The following ADAMTS9 variants were observed in gnomAD, a reference collection of about 807,000 sequenced individuals.
The protein encoded by ADAMTS9 is ADAM metallopeptidase with thrombospondin type 1 motif 9, also known as A disintegrin and metalloproteinase with thrombospondin motifs 9.
ADAMTS9 carries 107 observed loss-of-function variants against 257.1 expected under a neutral mutation model. The observed-to-expected ratio is 0.42, with a 90% CI of 0.36 to 0.49. ADAMTS9 has a LOEUF of 0.49. ADAMTS9 is among the 20% of genes least tolerant of loss of function. The pLI, the probability that ADAMTS9 is intolerant of heterozygous loss-of-function variation, is 0.03. For synonymous variants in ADAMTS9, 982 were observed against 880.9 expected (o/e 1.11, Z -2.03); for missense variants, 2,353 against 2,469.1 (o/e 0.95, Z 1.00).
Position 64,539,216 on chromosome 3 carries a change from G to T in ADAMTS9, c.5600C>A (p.Ala1867Asp). Reference protein sequence around the residue: ...FATAGDCYSAAKCPQGRFSIN... With the variant: ...FATAGDCYSADKCPQGRFSIN... ...CCAAGGACATACCTGTGGGCACTTG[G>T]CAGCGCTGTAGCAATCCCCGGCTGT... The change falls in exon 37 of 40, where the codon GCC (alanine) becomes GAC (aspartate). Residue 1867 changes from alanine (A) to aspartate (D), a missense_variant. This residue lies in a region of ADAMTS9 where 1,402 missense variants were observed against 1,441.4 expected (regional missense o/e 0.97). Coordinates refer to ENST00000498707, the MANE Select transcript of ADAMTS9 (RefSeq NM_182920.2). The T allele has an allele frequency of 6.2e-7, 1 of 1,613,854 alleles. No individual in the cohort carries two copies. Among genetic ancestry groups the T allele is most frequent in the Non-Finnish European group, 8.5e-7 (1 of 1,179,746 alleles).
At chr3:64,520,057 C>T (rs567257380) in intron 39 of ADAMTS9, among the ~76,000 whole-genome samples, 9 of 152,262 alleles carry the variant, frequency 5.9e-5, no homozygotes, top group African/African-American at 1.9e-4. Context: ...AAATATTCCA[C>T]CAAAAGATTC....
chr3:64,670,874 A>G (rs1254987654), intron 3 of ADAMTS9, among the ~76,000 whole-genome samples: 1 of 152,218 alleles, frequency 6.6e-6, no homozygotes, highest in East Asian at 1.9e-4. Context: ...GCAGAACAAC[A>G]AAATGTTGAC....
rs530172892 is a variant in ADAMTS9 at position 64,593,711 on chromosome 3, C to T, written c.4356+547G>A. Among the ~76,000 whole-genome samples the T allele has an allele frequency of 3.9e-5, 6 of 152,210 alleles. No homozygotes were observed. The South Asian group carries it at 1.0e-3, about 26-fold the overall frequency. ...CGACACCCTAAAAGGCACCAGGTCACCTGTTCCATTTTTGGTCTTTTGCAT... is the reference window on the plus strand; with the variant it reads ...CGACACCCTAAAAGGCACCAGGTCATCTGTTCCATTTTTGGTCTTTTGCAT... On this transcript the variant is annotated intron_variant, in intron 28 of 39. Transcript: ENST00000498707.
intron 3 of ADAMTS9, among the ~76,000 whole-genome samples, chr3:64,661,894 T>A (rs1484920864): frequency 2.6e-5 from 4 of 152,046 alleles, no homozygotes; most frequent in African/African-American, 4.8e-5. Flanking sequence ...AGATTTAAAG[T>A]CTCTATTAGT....
At chr3:64,612,883 T>A (rs1232786410) in intron 22 of ADAMTS9, among the ~76,000 whole-genome samples, 1 of 152,166 alleles carries the variant, frequency 6.6e-6, no homozygotes, top group Non-Finnish European at 1.5e-5. Flanking sequence ...TCTAATTAAT[T>A]ATGTTTGAAG....
intron 29 of ADAMTS9, among the ~76,000 whole-genome samples, chr3:64,566,216 A>G (rs1031720923): frequency 6.6e-6 from 1 of 152,234 alleles, no homozygotes; most frequent in African/African-American, 2.4e-5. Context: ...CTGGATCATT[A>G]GGAAGCCAAT....
intron 19 of ADAMTS9, 109 bp from the exon 20 acceptor site, chr3:64,616,279 C>A (rs1032568749): frequency 4.2e-6 from 5 of 1,193,780 alleles, no homozygotes; most frequent in Non-Finnish European, 4.8e-6. Flanking sequence ...TTTCTTAACT[C>A]GAATACCATG....
In ADAMTS9 at chr3:64,633,724, A is replaced by G; in HGVS notation, c.2012T>C (p.Val671Ala). 3.1e-6 allele frequency: 5 copies of G among 1,613,808 alleles called. No individual in the cohort carries two copies. Among genetic ancestry groups the G allele is most frequent in the Non-Finnish European group, 4.2e-6 (5 of 1,179,980 alleles). Reference protein sequence around the residue: ...HFNINGLLPNVRWVPKYSGIL... With the variant: ...HFNINGLLPNARWVPKYSGIL... The stretch of plus-strand genomic sequence containing the variant: ...TCCACTGTATTTAGGGACCCAGCGC[A>G]CATTGGGAAGCAGACCGTTGATGTT... The change falls in exon 13 of 40, where the codon GTG becomes GCG. Residue 671 changes from valine to alanine, a missense_variant. Val to Ala is a moderately conservative substitution (Grantham distance 64). This residue lies in a region of ADAMTS9 where 360 missense variants were observed against 458.1 expected (regional missense o/e 0.79). Transcript: ENST00000498707.
In ADAMTS9 at chr3:64,539,190, A is replaced by AC; in HGVS notation, c.5613+12dup. On this transcript the variant is annotated intron_variant, in intron 37 of 39. Coordinates refer to ENST00000498707, the MANE Select transcript of ADAMTS9 (RefSeq NM_182920.2). ...GTGAATCCCTGGCAAGGGGGAAGGC[A>AC]CCAAGGACATACCTGTGGGCACTTG... 6.2e-7 allele frequency: 1 copy of AC among 1,607,586 alleles called. No individual in the cohort carries two copies. The highest frequency in any genetic ancestry group is 8.5e-7 in the Non-Finnish European group (1 of 1,174,066).
chr3:64,530,780 T>C (rs2082971201), intron 38 of ADAMTS9, among the ~76,000 whole-genome samples: 1 of 152,198 alleles, frequency 6.6e-6, no homozygotes, highest in South Asian at 2.1e-4. Context: ...ATTTATTTAC[T>C]TATTTTTTTA....
intron 38 of ADAMTS9, among the ~76,000 whole-genome samples, chr3:64,526,111 T>C (rs957788587): frequency 1.4e-5 from 2 of 147,808 alleles, no homozygotes; most frequent in Non-Finnish European, 3.0e-5. Flanking sequence ...TATATTATTA[T>C]AAATATATTT....
intron 22 of ADAMTS9, 58 bp from the exon 23 acceptor site, chr3:64,607,137 T>C: frequency 6.3e-7 from 1 of 1,595,890 alleles, no homozygotes; most frequent in Non-Finnish European, 8.5e-7. Context: ...TTTCCCTTAC[T>C]TTCCCCATAA....
chr3:64,587,351 T>G lies in ADAMTS9; in HGVS notation c.4356+6907A>C, dbSNP rs541675216. On this transcript the variant is annotated intron_variant, in intron 28 of 39. Coordinates refer to ENST00000498707, the MANE Select transcript of ADAMTS9 (RefSeq NM_182920.2). ...CCCCAATTTATTTTTATAAATTTAT[T>G]GATTTCTTTGCTAGTTTGTTATTAA... 2.6e-5 allele frequency: 4 copies of G among 152,344 alleles called. No homozygotes were observed. The East Asian group carries it at 7.7e-4, about 29-fold the overall frequency. 9.4% of individuals were successfully genotyped at this position (152,344 alleles called of 1,614,324 possible).
chr3:64,636,108 A>G (rs1033231113), intron 12 of ADAMTS9, among the ~76,000 whole-genome samples: 2 of 151,870 alleles, frequency 1.3e-5, no homozygotes, highest in Non-Finnish European at 2.9e-5. Flanking sequence ...CTCTTATATG[A>G]CACGTCTTAG....
intron 12 of ADAMTS9, among the ~76,000 whole-genome samples, chr3:64,639,403 T>A (rs764219013): frequency 6.7e-6 from 1 of 149,008 alleles, no homozygotes; most frequent in Non-Finnish European, 1.5e-5. Flanking sequence ...AACTTCTGAA[T>A]GTGAGGATCT....
chr3:64,634,782 T>C (rs549845984), intron 12 of ADAMTS9, among the ~76,000 whole-genome samples: 1 of 152,306 alleles, frequency 6.6e-6, no homozygotes, highest in Admixed American at 6.5e-5. Flanking sequence ...AAGGACATTT[T>C]TCACCCTTTT....
intron 12 of ADAMTS9, among the ~76,000 whole-genome samples, chr3:64,635,827 C>G (rs1249416415): frequency 6.6e-6 from 1 of 151,996 alleles, no homozygotes; most frequent in African/African-American, 2.4e-5. Context: ...GCCCTTTTCT[C>G]AGTACCAAGG....
chr3:64,607,398 G>A (rs2084578214), intron 22 of ADAMTS9, among the ~76,000 whole-genome samples: 1 of 152,166 alleles, frequency 6.6e-6, no homozygotes, highest in South Asian at 2.1e-4. Flanking sequence ...GCAGAGTGCT[G>A]TGGCTAAAAT....
chr3:64,564,720 A>C (rs2083499368), intron 29 of ADAMTS9, among the ~76,000 whole-genome samples: 1 of 151,804 alleles, frequency 6.6e-6, no homozygotes, highest in Non-Finnish European at 1.5e-5. Flanking sequence ...CTTGTGACAA[A>C]ACTGTCTCTA....
Sources: allele counts gnomAD v4.1 joint callset (sites outside exome capture counted in the v4.1 genomes callset), GRCh38; gene constraint gnomAD v4.1.1; regional missense constraint gnomAD v4.1.1; transcripts MANE v1.5; gene names NCBI Gene and HGNC (gene_info 2026-07-23, HGNC 2026-07-21).